PLXDC2: variants seen among roughly 807,000 people sequenced by gnomAD.
PLXDC2 encodes plexin domain containing 2, also known as plexin domain-containing protein 2.
Under a neutral mutation model 68.9 loss-of-function variants are expected in PLXDC2, and 40 were observed. The ratio of observed to expected loss-of-function variants is 0.58; its 90% CI spans 0.45 to 0.76. The LOEUF is 0.76. Among genes scored for constraint, PLXDC2 ranks in the 30% least tolerant of loss-of-function variants. The pLI is 0.00. For synonymous variants in PLXDC2, 243 were observed against 234.2 expected (o/e 1.04, Z -0.34); for missense variants, 644 against 661.9 (o/e 0.97, Z 0.30).
At chr10:20,108,668 G>C (rs1833521339) in intron 4 of PLXDC2, among the ~76,000 whole-genome samples, 1 of 152,042 alleles carries the variant, frequency 6.6e-6, no homozygotes, top group African/African-American at 2.4e-5. Context: ...TTAAATTTGG[G>C]AGAAATCTCA....
chr10:19,964,117 A>T (rs1834207681), intron 1 of PLXDC2, among the ~76,000 whole-genome samples: 1 of 152,178 alleles, frequency 6.6e-6, no homozygotes, highest in Admixed American at 6.5e-5. Flanking sequence ...AGGAAAGAAA[A>T]AGCCCCTGAT....
At position 20,001,953 on chromosome 10, in the gene PLXDC2, G is replaced by C. The variant is rs757173077; in HGVS notation, c.291G>C (p.Leu97=). 29 of 1,612,578 alleles carry C rather than the reference G, an allele frequency of 1.8e-5. No homozygotes were observed. The highest frequency in any genetic ancestry group is 6.7e-5 in the Admixed American group (4 of 59,944). ...PEPRSFTDLL[L]DDGQDNNTQI... ...CCAGAAGCTTCACAGACCTGCTGCTGGATGATGGGCAGGACAATAACACTC... is the reference window on the plus strand; with the variant it reads ...CCAGAAGCTTCACAGACCTGCTGCTCGATGATGGGCAGGACAATAACACTC... Residue 97 remains leucine (L), a synonymous_variant, in exon 2 of 14, where the codon CTG becomes CTC. Coordinates refer to ENST00000377252, the MANE Select transcript of PLXDC2 (RefSeq NM_032812.9).
chr10:19,958,738 G>A (rs1039259848), intron 1 of PLXDC2, among the ~76,000 whole-genome samples: 1 of 152,140 alleles, frequency 6.6e-6, no homozygotes, highest in Non-Finnish European at 1.5e-5. Flanking sequence ...CTTAAATTAG[G>A]TATAAGGAAG....
chr10:20,153,525 G>A (rs1166982321), intron 6 of PLXDC2, among the ~76,000 whole-genome samples: 1 of 151,970 alleles, frequency 6.6e-6, no homozygotes, highest in African/African-American at 2.4e-5. Context: ...TGATTTAAGT[G>A]GTAGAAATGA....
At chr10:20,181,119 A>C (rs916879980) in intron 9 of PLXDC2, among the ~76,000 whole-genome samples, 1 of 152,066 alleles carries the variant, frequency 6.6e-6, no homozygotes, top group African/African-American at 2.4e-5. Flanking sequence ...ATAAACAGGA[A>C]AATGTAAGGG....
At chr10:19,925,728 G>A (rs1833529276) in intron 1 of PLXDC2, among the ~76,000 whole-genome samples, 1 of 152,340 alleles carries the variant, frequency 6.6e-6, no homozygotes, top group South Asian at 2.1e-4. Context: ...AAGTCACAGA[G>A]TGATGAGTTG....
intron 1 of PLXDC2, among the ~76,000 whole-genome samples, chr10:19,849,346 A>AT (rs1275381203): frequency 1.3e-5 from 2 of 152,128 alleles, no homozygotes; most frequent in Admixed American, 1.3e-4. Flanking sequence ...AAGTCACCAA[A>AT]TTTTTTAATG....
intron 1 of PLXDC2, among the ~76,000 whole-genome samples, chr10:19,882,055 G>C (rs560633211): frequency 2.0e-5 from 3 of 152,298 alleles, no homozygotes; most frequent in African/African-American, 2.4e-5. Flanking sequence ...CATGTTTCTG[G>C]TAATGTTGAC....
rs1467626198 is a variant in PLXDC2, at chr10:19,907,663, GA to G, written c.112+90476del. On this transcript the variant is annotated intron_variant, in intron 1 of 13. Coordinates refer to ENST00000377252, the MANE Select transcript of PLXDC2 (RefSeq NM_032812.9). ...ATCAGCAACATTGACATTTTTAGTA[GA>G]AAATGCTTCAACAGAAAACAGGAAA... Among the ~76,000 whole-genome samples the G allele has an allele frequency of 2.0e-5, 3 of 152,180 alleles. No individual in the cohort carries two copies. The East Asian group carries it at 5.8e-4, about 29-fold the overall frequency.
At chr10:19,972,015 A>G (rs996956352) in intron 1 of PLXDC2, among the ~76,000 whole-genome samples, 1 of 152,174 alleles carries the variant, frequency 6.6e-6, no homozygotes, top group Non-Finnish European at 1.5e-5. Context: ...AGGAAGGTCC[A>G]GTAATTACCT....
chr10:19,916,081 A>G (rs1160267170), intron 1 of PLXDC2, among the ~76,000 whole-genome samples: 1 of 151,536 alleles, frequency 6.6e-6, no homozygotes, highest in Non-Finnish European at 1.5e-5. Context: ...GAGCCGCATC[A>G]ACGTAGATAA....
intron 6 of PLXDC2, among the ~76,000 whole-genome samples, chr10:20,154,579 T>A (rs946819919): frequency 1.7e-4 from 24 of 140,410 alleles, no homozygotes; most frequent in South Asian, 4.4e-4. Context: ...AAAAAAAAAA[T>A]GTATTTAAAA....
chr10:19,824,091 T>G (rs1314221290), intron 1 of PLXDC2, among the ~76,000 whole-genome samples: 1 of 152,152 alleles, frequency 6.6e-6, no homozygotes, highest in African/African-American at 2.4e-5. Context: ...TTTCACGGTG[T>G]CTGCTCCCCA....
intron 3 of PLXDC2, among the ~76,000 whole-genome samples, chr10:20,065,226 A>G (rs1442873668): frequency 1.3e-5 from 2 of 152,170 alleles, no homozygotes; most frequent in Non-Finnish European, 2.9e-5. Context: ...GACAAGAGCT[A>G]AGGGTAGCAA....
At chr10:20,237,332 G>A (rs1439361307) in intron 12 of PLXDC2, among the ~76,000 whole-genome samples, 1 of 152,032 alleles carries the variant, frequency 6.6e-6, no homozygotes, top group Non-Finnish European at 1.5e-5. Flanking sequence ...ATATTGACAG[G>A]CCGGTAAGCA....
At chr10:20,034,799 T>A (rs112828223) in intron 2 of PLXDC2, among the ~76,000 whole-genome samples, 1 of 152,328 alleles carries the variant, frequency 6.6e-6, no homozygotes, top group African/African-American at 2.4e-5. Flanking sequence ...TGCTTACCAT[T>A]GTGTTACAGC....
chr10:19,884,667 T>C (rs1282130755), intron 1 of PLXDC2, among the ~76,000 whole-genome samples: 2 of 152,246 alleles, frequency 1.3e-5, no homozygotes, highest in Non-Finnish European at 2.9e-5. Flanking sequence ...TCCATGTCCC[T>C]ACGAAGGACA....
intron 2 of PLXDC2, among the ~76,000 whole-genome samples, chr10:20,022,128 A>G (rs12767620): frequency 0.077 from 11,751 of 152,288 alleles, 554 homozygotes; most frequent in Middle Eastern, 0.14. Flanking sequence ...TCTCCTCTAT[A>G]TATCTGTTTA....
chr10:20,207,590 C>T lies in PLXDC2; in HGVS notation c.1062-4079C>T, dbSNP rs371419453. 5.3e-5 allele frequency among the ~76,000 whole-genome samples: 8 copies of T among 152,114 alleles called. No homozygotes were observed. In the East Asian group the frequency reaches 5.8e-4, roughly 11 times the overall value. On this transcript the variant is annotated intron_variant, in intron 9 of 13. Transcript: ENST00000377252. ...TTCTTCTGTAGAAAATTGATACATC[C>T]CCATCTTCCAAAACAGAATGTCAGT... is the stretch of plus-strand genomic sequence containing the variant.
Sources: allele counts gnomAD v4.1 joint callset (sites outside exome capture counted in the v4.1 genomes callset), GRCh38; gene constraint gnomAD v4.1.1; transcripts MANE v1.5; gene names NCBI Gene and HGNC (gene_info 2026-07-23, HGNC 2026-07-21).